CDIN1: variants seen among roughly 807,000 people sequenced by gnomAD.
CDIN1 encodes CDAN1 interacting nuclease 1.
In CDIN1, 33 loss-of-function variants were observed where a neutral mutation model predicts 45.3. The observed-to-expected ratio is 0.73, with a 90% CI of 0.55 to 0.97. The LOEUF (loss-of-function observed/expected upper bound fraction) is 0.97, where lower values mean the gene tolerates loss of function less well. CDIN1 is among the 50% of genes least tolerant of loss of function. CDIN1 has a pLI of 0.00. For missense variants in CDIN1, 303 were observed against 339.4 expected (o/e 0.89, Z 0.84); for synonymous variants, 118 against 124.4 (o/e 0.95, Z 0.34).
At chr15:36,640,649 C>G in intron 1 of CDIN1, 7 of 985,274 alleles carry the variant, frequency 7.1e-6, no homozygotes, top group Non-Finnish European at 8.4e-6. Context: ...TACGTGATGT[C>G]TTCTCTTAAG....
intron 1 of CDIN1, among the ~76,000 whole-genome samples, chr15:36,604,875 A>G (rs550535195): frequency 6.6e-6 from 1 of 152,308 alleles, no homozygotes; most frequent in South Asian, 2.1e-4. Flanking sequence ...ATGTGGTCAC[A>G]TATATCAGCT....
Position 36,618,054 on chromosome 15 carries a change from T to C in CDIN1, c.102-26224T>C, listed in dbSNP as rs980059073. The C allele has an allele frequency of 2.3e-5, 18 of 767,042 alleles. No homozygotes were observed. The Admixed American group carries it at 3.2e-4, about 14-fold the overall frequency. The allele number at this position is 767,042 out of a possible 1,614,324, so 47.5% of individuals were successfully genotyped here. On this transcript the variant is annotated intron_variant, in intron 1 of 10. Coordinates refer to ENST00000566621, the MANE Select transcript of CDIN1 (RefSeq NM_001321759.2). ...CAGCAGTTCTCGGTCTATAGTATTATTCCTCAGTCTTGGTCTCCAAATCCT... is the reference window on the plus strand; with the variant it reads ...CAGCAGTTCTCGGTCTATAGTATTACTCCTCAGTCTTGGTCTCCAAATCCT...
intron 10 of CDIN1, among the ~76,000 whole-genome samples, chr15:36,763,732 A>G (rs1355920713): frequency 6.6e-6 from 1 of 152,050 alleles, no homozygotes; most frequent in African/African-American, 2.4e-5. Context: ...CCCCTTCTAC[A>G]TTGTATGTCT....
At chr15:36,790,016 G>A (rs538595814) in intron 10 of CDIN1, among the ~76,000 whole-genome samples, 5 of 152,204 alleles carry the variant, frequency 3.3e-5, no homozygotes, top group African/African-American at 7.2e-5. Context: ...ATTGATCTAC[G>A]TTTGTTATAT....
At chr15:36,752,570 G>C (rs1388949183) in intron 10 of CDIN1, among the ~76,000 whole-genome samples, 1 of 152,192 alleles carries the variant, frequency 6.6e-6, no homozygotes, top group African/African-American at 2.4e-5. Context: ...AAAGCAGTCT[G>C]CTAAGTGATC....
At chr15:36,687,161 A>G (rs1191361739) in intron 5 of CDIN1, among the ~76,000 whole-genome samples, 2 of 152,126 alleles carry the variant, frequency 1.3e-5, no homozygotes, top group African/African-American at 4.8e-5. Flanking sequence ...AGAAAGAAAG[A>G]GAATGATCAG....
intron 1 of CDIN1, among the ~76,000 whole-genome samples, chr15:36,629,211 A>G (rs2039578813): frequency 6.6e-6 from 1 of 152,258 alleles, no homozygotes; most frequent in African/African-American, 2.4e-5. Context: ...AATTTGTTAC[A>G]GTAACCATAG....
chr15:36,645,192 T>C (rs1199101380), intron 2 of CDIN1, 31 bp from the exon 3 acceptor site: 1 of 1,514,394 alleles, frequency 6.6e-7, no homozygotes, highest in Non-Finnish European at 9.0e-7. Flanking sequence ...ATATCAAAGA[T>C]TTTTTTGTGT....
chr15:36,701,873 G>A (rs2042658326), intron 8 of CDIN1: 2 of 577,506 alleles, frequency 3.5e-6, no homozygotes, highest in Non-Finnish European at 3.1e-6. Flanking sequence ...AATAGGCTTA[G>A]TGAAGGATGT....
rs2055345713 is a variant in CDIN1, at chr15:36,809,962, TTTCAGTATAAAATTCA to T, written c.*1511_*1526del. On this transcript the variant is annotated 3_prime_UTR_variant, in exon 11 of 11. Transcript: ENST00000566621. Reference sequence around the variant, plus strand: ...TAAAGAAGGGTCAGGCAAACTTCTGTTTCAGTATAAAATTCATCATGCAGGCTTCTGAGTGAAATAG... The same window carrying T: ...TAAAGAAGGGTCAGGCAAACTTCTGTTCATGCAGGCTTCTGAGTGAAATAG... The T allele has an allele frequency of 6.6e-6, 1 of 152,050 alleles. No homozygotes were observed. The highest frequency in any genetic ancestry group is 1.5e-5 in the Non-Finnish European group (1 of 68,010). The allele number at this position is 152,050 out of a possible 1,614,324, so 9.4% of individuals were successfully genotyped here.
At chr15:36,619,328 A>G in intron 1 of CDIN1, 1 of 614,934 alleles carries the variant, frequency 1.6e-6, no homozygotes, top group South Asian at 5.8e-5. Flanking sequence ...AGCTGTAGCT[A>G]TATTGAACTG....
chr15:36,580,014 T>C, intron 1 of CDIN1, 53 bp downstream of exon 1: 2 of 1,526,656 alleles, frequency 1.3e-6, no homozygotes, highest in Non-Finnish European at 1.8e-6. Flanking sequence ...CAGCAGTGCC[T>C]GGGCCGCCCA....
At chr15:36,714,675 C>T (rs1472092983) in intron 10 of CDIN1, among the ~76,000 whole-genome samples, 1 of 152,174 alleles carries the variant, frequency 6.6e-6, no homozygotes, top group Non-Finnish European at 1.5e-5. Flanking sequence ...CCACCCTCAG[C>T]TCCATCCTAC....
chr15:36,664,891 G>A (rs1240188128), intron 5 of CDIN1, among the ~76,000 whole-genome samples: 1 of 152,204 alleles, frequency 6.6e-6, no homozygotes, highest in Non-Finnish European at 1.5e-5. Flanking sequence ...CTTATGCATT[G>A]CATGAGGGTG....
chr15:36,772,210 G>A (rs2054099038), intron 10 of CDIN1, among the ~76,000 whole-genome samples: 2 of 151,548 alleles, frequency 1.3e-5, no homozygotes, highest in South Asian at 4.2e-4. Context: ...TTTTTTTTTA[G>A]TAAGGTGGTG....
intron 8 of CDIN1, chr15:36,707,725 CTG>C (rs1322847334): frequency 6.6e-6 from 1 of 152,132 alleles, no homozygotes; most frequent in African/African-American, 2.4e-5. Context: ...GCTTTTAAAA[CTG>C]TTCATCAGCT....
At chr15:36,741,904 A>G (rs1003608926) in intron 10 of CDIN1, among the ~76,000 whole-genome samples, 11 of 152,190 alleles carry the variant, frequency 7.2e-5, no homozygotes, top group Non-Finnish European at 1.3e-4. Flanking sequence ...TTTGGGAGGT[A>G]CATAACACTA....
Position 36,741,597 on chromosome 15 carries a change from A to G in CDIN1, c.716+31636A>G, listed in dbSNP as rs527417382. On this transcript the variant is annotated intron_variant, in intron 10 of 10. Transcript: ENST00000566621. ...TTACAGGACGGAAATTTATTTTCTC[A>G]CAGTTCTGGAGGCTGGAAGGCTGAC... Among the ~76,000 whole-genome samples the G allele has an allele frequency of 9.7e-4, 147 of 152,050 alleles. 1 individual carries two copies. The highest frequency in any genetic ancestry group is 3.4e-3 in the African/African-American group (142 of 41,492).
intron 1 of CDIN1, among the ~76,000 whole-genome samples, chr15:36,622,926 TATATCAAA>T (rs2039260013): frequency 6.6e-6 from 1 of 152,204 alleles, no homozygotes; most frequent in South Asian, 2.1e-4. Context: ...TGAAGCTTCT[TATATCAAA>T]TTCAGCCATT....
Sources: allele counts gnomAD v4.1 joint callset (sites outside exome capture counted in the v4.1 genomes callset), GRCh38; gene constraint gnomAD v4.1.1; transcripts MANE v1.5; gene names NCBI Gene and HGNC (gene_info 2026-07-23, HGNC 2026-07-21).